FAT4: variants seen among roughly 807,000 people sequenced by gnomAD.
The protein encoded by FAT4 is protocadherin Fat 4.
In FAT4, 84 loss-of-function variants were observed where a neutral mutation model predicts 303.9. The observed-to-expected ratio is 0.28, with a 90% CI of 0.23 to 0.33. FAT4 has a LOEUF of 0.33. Ranked by LOEUF, FAT4 falls within the 10% of genes least tolerant of loss-of-function variation. FAT4 has a pLI of 1.00. For synonymous variants in FAT4, 2,307 were observed against 2,298.8 expected, an observed-to-expected ratio of 1.00 and a Z score of -0.10; for missense variants, 6,005 against 6,146.8, an observed-to-expected ratio of 0.98 and a Z score of 0.77.
intron 10 of FAT4, 110 bp from the exon 11 acceptor site, chr4:125,463,453 C>A (rs551631568): frequency 2.0e-6 from 1 of 512,020 alleles, no homozygotes; most frequent in Non-Finnish European, 3.3e-6. Flanking sequence ...TTTTATATTT[C>A]TTTTCTCCGT....
At chr4:125,332,159 C>CTTTTTTTTTTTTTTTTT (rs199702900) in intron 2 of FAT4, among the ~76,000 whole-genome samples, 1 of 133,304 alleles carries the variant, frequency 7.5e-6, no homozygotes, top group Non-Finnish European at 1.6e-5. Context: ...CCGTTCCATT[C>CTTTTTTTTTTTTTTTTT]TTTTTTTTTT....
intron 9 of FAT4, among the ~76,000 whole-genome samples, chr4:125,448,060 A>G (rs1725889283): frequency 6.6e-6 from 1 of 152,138 alleles, no homozygotes. Context: ...GAGCAACGGT[A>G]TCATTGCATT....
chr4:125,416,323 A>T (rs1735062507), intron 6 of FAT4, 125 bp from the exon 7 acceptor site: 5 of 887,038 alleles, frequency 5.6e-6, no homozygotes, highest in Non-Finnish European at 6.8e-6. Context: ...TTTACTTGAA[A>T]ATCTAAAAAT....
intron 2 of FAT4, among the ~76,000 whole-genome samples, chr4:125,396,685 C>T (rs945686409): frequency 6.6e-6 from 1 of 151,980 alleles, no homozygotes; most frequent in African/African-American, 2.4e-5. Context: ...ACAAGGGTGG[C>T]TTGTTGCTTT....
At position 125,393,583 on chromosome 4, in the gene FAT4, A is replaced by G. The variant is rs145690906; in HGVS notation, c.5176-5201A>G. On this transcript the variant is annotated intron_variant, in intron 2 of 17. Transcript: ENST00000394329. The stretch of plus-strand genomic sequence containing the variant: ...GATGTAGAGCAAAATAAAATGATAG[A>G]CTGCATATTATAAAAAAAAGAGAAA... 6.8e-3 allele frequency among the ~76,000 whole-genome samples: 1,034 copies of G among 152,262 alleles called. 10 individuals are homozygous for G. Among genetic ancestry groups the G allele is most frequent in the Non-Finnish European group, 0.01 (714 of 68,018 alleles).
At chr4:125,386,545 T>C (rs974152261) in intron 2 of FAT4, among the ~76,000 whole-genome samples, 11 of 152,238 alleles carry the variant, frequency 7.2e-5, no homozygotes, top group African/African-American at 2.4e-4. Context: ...GCTGGGATTA[T>C]AGGTGTGAGC....
At chr4:125,471,129 A>G (rs921778733) in intron 12 of FAT4, among the ~76,000 whole-genome samples, 3 of 152,250 alleles carry the variant, frequency 2.0e-5, no homozygotes, top group African/African-American at 7.2e-5. Flanking sequence ...AACATAAATA[A>G]CATTTATCAA....
chr4:125,340,609 AT>A (rs1241972826), intron 2 of FAT4, among the ~76,000 whole-genome samples: 1 of 152,132 alleles, frequency 6.6e-6, no homozygotes, highest in Non-Finnish European at 1.5e-5. Flanking sequence ...GATGGTCTCG[AT>A]CTCTTTTTAA....
rs756471115 is a variant in FAT4 at position 125,317,824 on chromosome 4, T to A, written c.1413T>A (p.His471Gln). The A allele has an allele frequency of 3.1e-6, 5 of 1,614,158 alleles. No individual in the cohort carries two copies. The highest frequency in any genetic ancestry group is 1.7e-5 in the Admixed American group (1 of 60,026). Residue 471 changes from histidine (H) to glutamine (Q), a missense_variant, in exon 2 of 18, where the codon CAT (histidine) becomes CAA (glutamine). By Grantham distance (24) the His-to-Gln change is conservative. Transcript: ENST00000394329. This position sits in a 1 kb window ranked among gnomAD's most constrained non-coding sequence, Gnocchi z 7.0. Reference sequence around the variant, plus strand: ...TTTTTGTTAATGACATCAATGACCATCCTCCTGTCTTTTCACAGCAAGTGT... The same window carrying A: ...TTTTTGTTAATGACATCAATGACCAACCTCCTGTCTTTTCACAGCAAGTGT... ...LVIFVNDIND[H>Q]PPVFSQQVYR...
At position 125,481,685 on chromosome 4, in the gene FAT4, G is replaced by A. The variant is rs143513466; in HGVS notation, c.12769G>A (p.Glu4257Lys). The A allele has an allele frequency of 7.3e-4, 1,183 of 1,613,908 alleles. 1 individual carries two copies. Among genetic ancestry groups the A allele is most frequent in the Non-Finnish European group, 9.6e-4 (1,128 of 1,179,942 alleles). The change falls in exon 16 of 18, where the codon GAG (glutamate) becomes AAG (lysine). Residue 4257 changes from glutamate to lysine, a missense_variant. By Grantham distance (56) the Glu-to-Lys change is moderately conservative. Coordinates refer to ENST00000394329, the MANE Select transcript of FAT4 (RefSeq NM_001291303.3). ...SLEVKFRTRS[E>K]NGVLIHIQES... is the part of the protein sequence containing the mutation. ...GGAAGTAAAATTTAGGACCAGAAGC[G>A]AGAATGGCGTTTTAATCCATATCCA...
At chr4:125,442,745 T>C (rs1327401100) in intron 8 of FAT4, among the ~76,000 whole-genome samples, 2 of 152,250 alleles carry the variant, frequency 1.3e-5, no homozygotes, top group Non-Finnish European at 2.9e-5. Flanking sequence ...ACACCCCTGG[T>C]TCCAAGAATT....
At position 125,490,266 on chromosome 4, in the gene FAT4, G is replaced by A; in HGVS notation, c.13450G>A (p.Gly4484Arg). ...LCPQGKVCKA[G>R]SPAGHVCVLS... is the part of the protein sequence containing the mutation. ...TCCTCAGGGGAAGGTGTGCAAAGCTGGAAGTCCTGCGGGGCATGTCTGTGT... is the reference window on the plus strand; with the variant it reads ...TCCTCAGGGGAAGGTGTGCAAAGCTAGAAGTCCTGCGGGGCATGTCTGTGT... Residue 4484 changes from glycine (G) to arginine (R), a missense_variant, in exon 18 of 18, where the codon GGA (glycine) becomes AGA (arginine). Transcript: ENST00000394329. 4 of 1,614,148 alleles carry A rather than the reference G, an allele frequency of 2.5e-6. No individual in the cohort carries two copies. The highest frequency in any genetic ancestry group is 3.4e-6 in the Non-Finnish European group (4 of 1,180,028).
At position 125,448,875 on chromosome 4, in the gene FAT4, A is replaced by G; in HGVS notation, c.7865A>G (p.Gln2622Arg). 3 of 1,609,308 alleles carry G rather than the reference A, an allele frequency of 1.9e-6. No homozygotes were observed. Among genetic ancestry groups the G allele is most frequent in the Non-Finnish European group, 2.5e-6 (3 of 1,179,054 alleles). Residue 2622 changes from glutamine to arginine, a missense_variant, in exon 10 of 18, where the codon CAG becomes CGG. Transcript: ENST00000394329. ...TTCCAGATTGATCAGTTAACAGGGC[A>G]GGTGTCTATTAGTCAACCTCTGGAT... Reference protein sequence around the residue: ...NTFQIDQLTGQVSISQPLDFE... With the variant: ...NTFQIDQLTGRVSISQPLDFE...
At chr4:125,439,865 A>C (rs1469788513) in intron 8 of FAT4, among the ~76,000 whole-genome samples, 1 of 152,158 alleles carries the variant, frequency 6.6e-6, no homozygotes, top group Non-Finnish European at 1.5e-5. Flanking sequence ...TGGCCTAGGA[A>C]AGTCATTTTA....
At chr4:125,405,260 T>A (rs2126018009) in intron 3 of FAT4, among the ~76,000 whole-genome samples, 1 of 152,236 alleles carries the variant, frequency 6.6e-6, no homozygotes, top group Admixed American at 6.5e-5. Context: ...AAAAAAGGAT[T>A]GCTGGATCAT....
At chr4:125,411,302 C>T (rs1430415031) in intron 5 of FAT4, among the ~76,000 whole-genome samples, 2 of 151,974 alleles carry the variant, frequency 1.3e-5, no homozygotes, top group African/African-American at 4.8e-5. Context: ...CCTCTGTTAG[C>T]ATCAAGACTA....
intron 10 of FAT4, among the ~76,000 whole-genome samples, chr4:125,453,115 A>G (rs1726155962): frequency 6.6e-6 from 1 of 152,168 alleles, no homozygotes; most frequent in Non-Finnish European, 1.5e-5. Context: ...TAATGTCACT[A>G]TTCAAGTCTA....
Position 125,319,220 on chromosome 4 carries a change from A to T in FAT4, c.2809A>T (p.Lys937Ter). The change falls in exon 2 of 18, where the codon AAG becomes TAG. Residue 937 changes from lysine to a stop codon, truncating the protein, a stop_gained. Coordinates refer to ENST00000394329, the MANE Select transcript of FAT4 (RefSeq NM_001291303.3). LOFTEE classifies it high-confidence loss of function. ...ACTCTATAGTCTGAAGCAAAACCCC[A>T]AGAACCTGTTTGCTATCAATGAAAA... ...MVLYSLKQNP[K>*]NLFAINEKNG... is the part of the protein sequence containing the mutation. 6.2e-7 allele frequency: 1 copy of T among 1,614,136 alleles called. No homozygotes were observed. Among genetic ancestry groups the T allele is most frequent in the Non-Finnish European group, 8.5e-7 (1 of 1,179,998 alleles).
At chr4:125,436,046 C>CG (rs1333353926) in intron 8 of FAT4, among the ~76,000 whole-genome samples, 7 of 14,224 alleles carry the variant, frequency 4.9e-4, no homozygotes, top group African/African-American at 1.5e-3. Context: ...GTCATGGGGT[C>CG]GGGGGAGGGG....
Sources: gnomAD v4.1 joint callset for allele counts (sites outside exome capture counted in the v4.1 genomes callset) on GRCh38, gnomAD v4.1.1 for gene constraint, Gnocchi (gnomAD v3.1) non-coding constraint, MANE v1.5 for transcripts, NCBI Gene and HGNC (gene_info 2026-07-23, HGNC 2026-07-21) for gene names.